Variants in CR1 observed in about 807,000 individuals in gnomAD.
CR1 encodes complement receptor type 1.
In CR1, 116 loss-of-function variants were observed where a neutral mutation model predicts 187.3. That is an observed-to-expected ratio of 0.62 (90% CI 0.53 to 0.72). CR1 has a LOEUF of 0.72. Ranked by LOEUF, CR1 falls within the 30% of genes least tolerant of loss-of-function variation. The pLI, the probability that CR1 is intolerant of heterozygous loss-of-function variation, is 0.00. For missense variants in CR1, 1,731 were observed against 2,110.7 expected (o/e 0.82, Z 3.52); for synonymous variants, 576 against 747.1 (o/e 0.77, Z 3.73).
intron 4 of CR1, among the ~76,000 whole-genome samples, chr1:207,515,178 C>CATATATATACGTATATATACAT (rs57573620): frequency 7.3e-6 from 1 of 136,444 alleles, no homozygotes; most frequent in Non-Finnish European, 1.6e-5. Flanking sequence ...TAGGTATATA[C>CATATATATACGTATATATACAT]ATATATACGT....
intron 1 of CR1, among the ~76,000 whole-genome samples, chr1:207,499,124 G>A (rs947845726): frequency 6.6e-5 from 10 of 152,060 alleles, no homozygotes; most frequent in South Asian, 4.1e-4. Flanking sequence ...CAACAAGACC[G>A]TTTTAAATAT....
At position 207,563,875 on chromosome 1, in the gene CR1, C is replaced by T. The variant is rs772748383; in HGVS notation, c.3598C>T (p.Pro1200Ser). The T allele has an allele frequency of 1.2e-5, 17 of 1,470,004 alleles. 3 individuals carry two copies. The South Asian group carries it at 2.0e-4, about 18-fold the overall frequency. 91.1% of individuals were successfully genotyped at this position (1,470,004 alleles called of 1,614,324 possible). The change falls in exon 22 of 47, where the codon CCT becomes TCT. Residue 1200 changes from proline (P) to serine (S), a missense_variant. Pro to Ser is a moderately conservative substitution (Grantham distance 74). Around this residue, in one of 5 missense-constraint regions of CR1, gnomAD observed 17 missense variants for 214.5 expected, o/e 0.08. Transcript: ENST00000367049. ...TTCTCTCTCCCCAGTATGTCAGCCA[C>T]CTCCAGATGTCCTGCATGCTGAGCG... ...LPSCSRVCQP[P>S]PDVLHAERTQ...
At position 207,521,156 on chromosome 1, in the gene CR1, T is replaced by C. The variant is rs180800264; in HGVS notation, c.488-2455T>C. On this transcript the variant is annotated intron_variant, in intron 4 of 46. Coordinates refer to ENST00000367049, the MANE Select transcript of CR1 (RefSeq NM_000651.6). The stretch of plus-strand genomic sequence containing the variant: ...CATGCCTGGCTAATTTTTACCCTTT[T>C]AGTAGAGATGGGTTTTCACCATGTT... 5.3e-5 allele frequency among the ~76,000 whole-genome samples: 8 copies of C among 152,092 alleles called. No individual in the cohort carries two copies. In the East Asian group the frequency reaches 1.4e-3, roughly 26 times the overall value.
At chr1:207,616,212 A>C (rs924960132) in intron 40 of CR1, among the ~76,000 whole-genome samples, 3 of 152,204 alleles carry the variant, frequency 2.0e-5, no homozygotes, top group Non-Finnish European at 4.4e-5. Context: ...CTGATGACCA[A>C]AACTTTGTCT....
chr1:207,593,140 A>T (rs1661327877), intron 35 of CR1, among the ~76,000 whole-genome samples: 1 of 151,806 alleles, frequency 6.6e-6, no homozygotes, highest in Non-Finnish European at 1.5e-5. Context: ...AAAATAGCCC[A>T]TATAGCCAAG....
chr1:207,595,700 A>T (rs1291570769), intron 35 of CR1, among the ~76,000 whole-genome samples: 1 of 150,980 alleles, frequency 6.6e-6, no homozygotes, highest in Non-Finnish European at 1.5e-5. Flanking sequence ...AAAAACTCCC[A>T]CAAAGCTGTG....
In CR1 at chr1:207,640,589, AAC is replaced by A. The variant is rs1268819029; in HGVS notation, c.*1184_*1185del. 1.3e-5 allele frequency: 2 copies of A among 152,228 alleles called. No individual in the cohort carries two copies. The highest frequency in any genetic ancestry group is 2.9e-5 in the Non-Finnish European group (2 of 68,036). The allele number at this position is 152,228 out of a possible 1,614,324, so 9.4% of individuals were successfully genotyped here. On this transcript the variant is annotated 3_prime_UTR_variant, in exon 47 of 47. Coordinates refer to ENST00000367049, the MANE Select transcript of CR1 (RefSeq NM_000651.6). ...AGAATATACTAAATTAACTTTTTAA[AAC>A]ACAACTTTTAAAAAATGTATCAAAA...
intron 37 of CR1, among the ~76,000 whole-genome samples, chr1:207,611,217 G>T (rs758974826): frequency 6.6e-6 from 1 of 152,150 alleles, no homozygotes; most frequent in African/African-American, 2.4e-5. Context: ...TCAGCCCTGT[G>T]CTGACTGAAA....
Position 207,580,492 on chromosome 1 carries a change from T to A in CR1, c.5114-19T>A. On this transcript the variant is annotated intron_variant, in intron 30 of 46. Coordinates refer to ENST00000367049, the MANE Select transcript of CR1 (RefSeq NM_000651.6). ...GGTCTTACTCCTATTTTTTCTTTTT[T>A]TTTTTTTTCTTCTTCTAGTGAAATC... 1.9e-6 allele frequency: 3 copies of A among 1,590,520 alleles called. No individual in the cohort carries two copies. Among genetic ancestry groups the A allele is most frequent in the Non-Finnish European group, 2.6e-6 (3 of 1,173,384 alleles).
intron 1 of CR1, among the ~76,000 whole-genome samples, chr1:207,501,161 G>A (rs528356955): frequency 6.6e-6 from 1 of 152,196 alleles, no homozygotes; most frequent in African/African-American, 2.4e-5. Flanking sequence ...AGTGATTCGG[G>A]TTATATGAAA....
rs570703675 is a variant in CR1 at position 207,607,679 on chromosome 1, G to A, written c.5896+343G>A. Among the ~76,000 whole-genome samples, 10 of 152,240 alleles carry A rather than the reference G, an allele frequency of 6.6e-5. No individual in the cohort carries two copies. The East Asian group carries it at 1.9e-3, about 29-fold the overall frequency. On this transcript the variant is annotated intron_variant, in intron 36 of 46. Coordinates refer to ENST00000367049, the MANE Select transcript of CR1 (RefSeq NM_000651.6). ...ATCTATCAGGTTACAATTCCACAAA[G>A]TAGGCTACTCACTTTCTTGTTATTC...
intron 35 of CR1, among the ~76,000 whole-genome samples, chr1:207,594,292 T>C (rs1341059090): frequency 5.3e-5 from 8 of 152,208 alleles, no homozygotes; most frequent in Non-Finnish European, 1.2e-4. Flanking sequence ...GATGAGTTCA[T>C]GTCCTTTGCA....
chr1:207,508,904 C>A (rs559248911), intron 3 of CR1, among the ~76,000 whole-genome samples: 2 of 152,274 alleles, frequency 1.3e-5, no homozygotes, highest in South Asian at 4.1e-4. Context: ...ATTTCTCTGT[C>A]TCTGCCTATG....
chr1:207,586,152 T>C (rs1661106439), intron 33 of CR1, among the ~76,000 whole-genome samples: 2 of 150,222 alleles, frequency 1.3e-5, no homozygotes, highest in African/African-American at 5.0e-5. Flanking sequence ...GTGTGCTTTT[T>C]TTGAGAGAGA....
In CR1 at chr1:207,564,234, G is replaced by C. The variant is rs1336336392; in HGVS notation, c.3866G>C (p.Gly1289Ala). ...AAAGTGGATTTTGTTTGTGATGAAG[G>C]GTGAGTATGAGCTTGCCTGACCTGC... ...GAKVDFVCDE[G>A]FQLKGSSASY... Residue 1289 changes from glycine to alanine, a missense_variant and splice_region_variant, in exon 23 of 47, where the codon GGA becomes GCA. Gly to Ala is a moderately conservative substitution (Grantham distance 60, BLOSUM62 0). This residue lies in a region of CR1 where 1,312 missense variants were observed against 1,379.6 expected (regional missense o/e 0.95). Coordinates refer to ENST00000367049, the MANE Select transcript of CR1 (RefSeq NM_000651.6). The C allele has an allele frequency of 1.3e-6, 2 of 1,537,266 alleles. No individual in the cohort carries two copies. Among genetic ancestry groups the C allele is most frequent in the East Asian group, 4.5e-5 (2 of 44,370 alleles).
intron 33 of CR1, among the ~76,000 whole-genome samples, chr1:207,587,114 T>A (rs1381261977): frequency 6.6e-6 from 1 of 152,202 alleles, no homozygotes; most frequent in East Asian, 1.9e-4. Context: ...GAGGTCAGAA[T>A]GTGAAACTAC....
intron 43 of CR1, among the ~76,000 whole-genome samples, chr1:207,620,863 G>A (rs368479579): frequency 6.6e-6 from 1 of 152,274 alleles, no homozygotes; most frequent in East Asian, 1.9e-4. Context: ...GAAAATTCAG[G>A]TCATTGGAGA....
chr1:207,565,603 A>C (rs1203129115), intron 23 of CR1, among the ~76,000 whole-genome samples: 1 of 150,146 alleles, frequency 6.7e-6, no homozygotes, highest in East Asian at 1.9e-4. Flanking sequence ...CTATGTCATG[A>C]CCACCTTTTT....
chr1:207,603,570 G>A (rs1661665695), intron 35 of CR1, among the ~76,000 whole-genome samples: 1 of 152,124 alleles, frequency 6.6e-6, no homozygotes, highest in Admixed American at 6.6e-5. Context: ...CTGAAAAGAT[G>A]AGTAAGATTT....
Sources: allele counts gnomAD v4.1 joint callset (sites outside exome capture counted in the v4.1 genomes callset), GRCh38; gene constraint gnomAD v4.1.1; regional missense constraint gnomAD v4.1.1; transcripts MANE v1.5; gene names NCBI Gene and HGNC (gene_info 2026-07-23, HGNC 2026-07-21).